TIAM2: variants seen among roughly 807,000 people sequenced by gnomAD.
TIAM2 encodes rho guanine nucleotide exchange factor TIAM2.
In TIAM2, 80 loss-of-function variants were observed where a neutral mutation model predicts 152.9. The observed-to-expected ratio is 0.52, with a 90% CI of 0.44 to 0.63. The LOEUF (loss-of-function observed/expected upper bound fraction) is 0.63. Among genes scored for constraint, TIAM2 ranks in the 30% least tolerant of loss-of-function variants. The pLI is 0.00. For missense variants in TIAM2, 1,965 were observed against 2,120.1 expected, an observed-to-expected ratio of 0.93 and a Z score of 1.44; for synonymous variants, 804 against 838.0, an observed-to-expected ratio of 0.96 and a Z score of 0.70.
At chr6:155,055,044 T>C (rs181571810) in intron 1 of TIAM2, among the ~76,000 whole-genome samples, 141 of 152,324 alleles carry the variant, frequency 9.3e-4, no homozygotes, top group African/African-American at 3.2e-3. Context: ...GACATGATTT[T>C]TGGCTGTGGA....
intron 1 of TIAM2, among the ~76,000 whole-genome samples, chr6:155,010,390 G>T (rs575513309): frequency 4.6e-5 from 7 of 152,324 alleles, no homozygotes; most frequent in South Asian, 2.1e-4. Context: ...CACTGATGTG[G>T]CTGTGATCTT....
chr6:155,168,740 T>G, intron 9 of TIAM2: 1 of 928,806 alleles, frequency 1.1e-6, no homozygotes, highest in Non-Finnish European at 1.6e-6. Context: ...ATGAAGCTCT[T>G]CTAAAATGTT....
intron 15 of TIAM2, among the ~76,000 whole-genome samples, chr6:155,212,150 G>A (rs1338302818): frequency 6.6e-6 from 1 of 152,174 alleles, no homozygotes; most frequent in Non-Finnish European, 1.5e-5. Flanking sequence ...TGCTGTTGTG[G>A]ATAATGCTGG....
chr6:155,109,411 G>A (rs1778781271), intron 2 of TIAM2, among the ~76,000 whole-genome samples: 3 of 152,128 alleles, frequency 2.0e-5, no homozygotes, highest in African/African-American at 2.4e-5. Context: ...GGTAATAACA[G>A]CTTTACTAGA....
At chr6:155,029,742 C>CTATATATATATATATATATATA (rs60980296) in intron 1 of TIAM2, among the ~76,000 whole-genome samples, 89 of 126,568 alleles carry the variant, frequency 7.0e-4, no homozygotes, top group African/African-American at 2.6e-3. Context: ...TAGTATATAA[C>CTATATATATATATATATATATA]TATATATATA....
At chr6:155,093,129 T>C (rs1225871152) in intron 2 of TIAM2, among the ~76,000 whole-genome samples, 1 of 152,210 alleles carries the variant, frequency 6.6e-6, no homozygotes, top group Non-Finnish European at 1.5e-5. Flanking sequence ...AGTTTTCCAG[T>C]TGTGCTTGTT....
intron 26 of TIAM2, chr6:155,256,236 CTATT>C (rs2115376469): frequency 1.7e-6 from 1 of 604,756 alleles, no homozygotes; most frequent in African/African-American, 1.9e-5. Flanking sequence ...GTGTCTAGTT[CTATT>C]TACATAATTG....
chr6:155,212,338 C>T (rs1185838361), intron 15 of TIAM2, among the ~76,000 whole-genome samples: 2 of 152,204 alleles, frequency 1.3e-5, no homozygotes. Context: ...ACTTCATCCA[C>T]ATCCTTGGCA....
chr6:155,244,755 A>G lies in TIAM2; in HGVS notation c.3515A>G (p.Asn1172Ser), dbSNP rs1178760807. Reference protein sequence around the residue: ...EDGISASSDFNTLETPSQFRK... With the variant: ...EDGISASSDFSTLETPSQFRK... ...GGGATTTCAGCATCATCTGACTTTA[A>G]CACCCTAGAAACCCCCTCACAGTTT... The change falls in exon 18 of 27, where the codon AAC becomes AGC. Residue 1172 changes from asparagine to serine, a missense_variant. Coordinates refer to ENST00000682666, the MANE Select transcript of TIAM2 (RefSeq NM_012454.4). 1 of 1,613,740 alleles carries G rather than the reference A, an allele frequency of 6.2e-7. No individual in the cohort carries two copies. The highest frequency in any genetic ancestry group is 8.5e-7 in the Non-Finnish European group (1 of 1,179,824).
intron 15 of TIAM2, among the ~76,000 whole-genome samples, chr6:155,237,112 C>A (rs1468608820): frequency 6.6e-6 from 1 of 152,228 alleles, no homozygotes; most frequent in Non-Finnish European, 1.5e-5. Flanking sequence ...TTTCTAGATA[C>A]AATGGGGGTA....
chr6:155,117,587 C>T (rs1779045395), intron 2 of TIAM2, among the ~76,000 whole-genome samples: 1 of 152,164 alleles, frequency 6.6e-6, no homozygotes, highest in Admixed American at 6.5e-5. Flanking sequence ...GAACTACAGT[C>T]GTGTGCCACC....
intron 4 of TIAM2, among the ~76,000 whole-genome samples, chr6:155,131,235 C>G (rs1779438082): frequency 6.6e-6 from 1 of 152,032 alleles, no homozygotes; most frequent in Non-Finnish European, 1.5e-5. Context: ...TGGCGGGTGC[C>G]TGTAATCCGA....
At chr6:155,039,254 C>T (rs1189618791) in intron 1 of TIAM2, among the ~76,000 whole-genome samples, 1 of 151,922 alleles carries the variant, frequency 6.6e-6, no homozygotes, top group African/African-American at 2.4e-5. Flanking sequence ...AGCCACTATG[C>T]CTGAACCTGT....
intron 9 of TIAM2, chr6:155,169,022 G>T: frequency 9.0e-7 from 1 of 1,106,088 alleles, no homozygotes; most frequent in Non-Finnish European, 1.3e-6. Flanking sequence ...TTGAGACGGA[G>T]TCTGGCTCTG....
intron 1 of TIAM2, among the ~76,000 whole-genome samples, chr6:155,013,208 A>G (rs1402359451): frequency 1.4e-5 from 2 of 147,702 alleles, no homozygotes; most frequent in African/African-American, 4.9e-5. Flanking sequence ...TTTGGGGTCT[A>G]CAGCTGGCTT....
At chr6:155,215,794 T>C (rs1011036693) in intron 15 of TIAM2, among the ~76,000 whole-genome samples, 1 of 151,296 alleles carries the variant, frequency 6.6e-6, no homozygotes, top group African/African-American at 2.4e-5. Flanking sequence ...TTTTTTTTTA[T>C]TGTTTTAAAT....
intron 1 of TIAM2, among the ~76,000 whole-genome samples, chr6:155,013,235 G>GC (rs1778517697): frequency 4.6e-5 from 7 of 152,122 alleles, no homozygotes; most frequent in Admixed American, 4.6e-4. Context: ...TGCTCCTGCA[G>GC]GTGTGTGTGC....
At chr6:155,190,105 TTAAC>T in intron 14 of TIAM2, among the ~76,000 whole-genome samples, 1 of 152,294 alleles carries the variant, frequency 6.6e-6, no homozygotes, top group East Asian at 1.9e-4. Context: ...AACTAGCTAA[TTAAC>T]TAACTAATGA....
At chr6:155,182,199 G>C (rs1002950015) in intron 12 of TIAM2, 27 bp from the exon 13 acceptor site, 13 of 1,604,528 alleles carry the variant, frequency 8.1e-6, no homozygotes, top group Non-Finnish European at 1.1e-5. Flanking sequence ...GCTGAGACTT[G>C]CTTTTTCCTT....
Sources: allele counts gnomAD v4.1 joint callset (sites outside exome capture counted in the v4.1 genomes callset), GRCh38; gene constraint gnomAD v4.1.1; transcripts MANE v1.5; gene names NCBI Gene and HGNC (gene_info 2026-07-23, HGNC 2026-07-21).